The following EYS variants were observed in gnomAD, a reference collection of about 807,000 sequenced individuals.
EYS encodes protein eyes shut homolog.
Under a neutral mutation model 282.1 loss-of-function variants are expected in EYS, and 250 were observed. The observed-to-expected ratio is 0.89, with a 90% CI of 0.80 to 0.98. The LOEUF is 0.98. EYS is among the 50% of genes least tolerant of loss of function. The pLI is 0.00. For synonymous variants in EYS, 1,355 were observed against 1,282.9 expected (o/e 1.06, Z -1.20); for missense variants, 4,016 against 3,709.0 (o/e 1.08, Z -2.15).
At chr6:64,524,550 T>A (rs1273575961) in intron 26 of EYS, among the ~76,000 whole-genome samples, 1 of 151,866 alleles carries the variant, frequency 6.6e-6, no homozygotes, top group Admixed American at 6.6e-5. Context: ...AATCTTTGTC[T>A]GTTCCTATGT....
chr6:64,547,499 C>T (rs1764916967), intron 26 of EYS, among the ~76,000 whole-genome samples: 2 of 152,254 alleles, frequency 1.3e-5, no homozygotes, highest in Admixed American at 6.5e-5. Context: ...TACAGAGTGT[C>T]GATTGGTGCA....
chr6:64,189,806 A>T (rs534753158), intron 31 of EYS, among the ~76,000 whole-genome samples: 1 of 152,174 alleles, frequency 6.6e-6, no homozygotes, highest in East Asian at 1.9e-4. Flanking sequence ...GTGTGGGTCA[A>T]TTCTTTATAC....
At chr6:63,874,080 C>A (rs1399551102) in intron 35 of EYS, among the ~76,000 whole-genome samples, 1 of 152,130 alleles carries the variant, frequency 6.6e-6, no homozygotes, top group Non-Finnish European at 1.5e-5. Context: ...ATGCCTATGT[C>A]CTGAATGGTA....
intron 16 of EYS, among the ~76,000 whole-genome samples, chr6:64,904,071 TA>T (rs1288037712): frequency 6.6e-6 from 1 of 151,592 alleles, no homozygotes; most frequent in African/African-American, 2.4e-5. Flanking sequence ...GCAGACTAAA[TA>T]ACAGAAGAAA....
At chr6:65,101,856 T>C (rs1006007997) in intron 12 of EYS, among the ~76,000 whole-genome samples, 13 of 151,294 alleles carry the variant, frequency 8.6e-5, no homozygotes, top group Admixed American at 4.6e-4. Flanking sequence ...CAATACTGTA[T>C]GTTACCCTAT....
At chr6:64,173,284 C>CA (rs1445422807) in intron 31 of EYS, among the ~76,000 whole-genome samples, 3 of 151,880 alleles carry the variant, frequency 2.0e-5, no homozygotes, top group Non-Finnish European at 2.9e-5. Context: ...AGGTTTAGGC[C>CA]AAAAAACTAA....
intron 26 of EYS, among the ~76,000 whole-genome samples, chr6:64,572,342 C>T (rs886153921): frequency 5.3e-5 from 8 of 152,202 alleles, no homozygotes; most frequent in East Asian, 3.9e-4. Context: ...AAAAGCTGGA[C>T]GCATTCCCTT....
chr6:64,850,951 G>C (rs1398531356), intron 19 of EYS, among the ~76,000 whole-genome samples: 1 of 152,066 alleles, frequency 6.6e-6, no homozygotes, highest in Admixed American at 6.6e-5. Flanking sequence ...AAGATTCCTA[G>C]TTGGCATATG....
intron 2 of EYS, among the ~76,000 whole-genome samples, chr6:65,634,472 C>T (rs993782227): frequency 6.6e-6 from 1 of 152,154 alleles, no homozygotes; most frequent in African/African-American, 2.4e-5. Context: ...TCTACACCCA[C>T]TCCCTTAGCG....
At chr6:63,797,033 T>C (rs1318693583) in intron 37 of EYS, among the ~76,000 whole-genome samples, 3 of 152,218 alleles carry the variant, frequency 2.0e-5, no homozygotes, top group African/African-American at 7.2e-5. Flanking sequence ...TGAAGATATT[T>C]TTGCAGCCAT....
chr6:65,378,610 A>G (rs567507688), intron 8 of EYS, among the ~76,000 whole-genome samples: 1 of 152,324 alleles, frequency 6.6e-6, no homozygotes, highest in African/African-American at 2.4e-5. Context: ...CACTGTTCAC[A>G]ATAGCAAAGA....
At chr6:64,258,323 C>T (rs2150351647) in intron 30 of EYS, among the ~76,000 whole-genome samples, 1 of 152,112 alleles carries the variant, frequency 6.6e-6, no homozygotes, top group South Asian at 2.1e-4. Flanking sequence ...GTACAGAGCA[C>T]TAAAGAAGCT....
At chr6:63,917,100 C>T (rs1764442373) in intron 35 of EYS, among the ~76,000 whole-genome samples, 1 of 152,166 alleles carries the variant, frequency 6.6e-6, no homozygotes, top group Non-Finnish European at 1.5e-5. Context: ...TTATGAAATT[C>T]CTTGGTTTCT....
intron 5 of EYS, among the ~76,000 whole-genome samples, chr6:65,425,072 C>T (rs1358851273): frequency 1.3e-5 from 2 of 152,014 alleles, no homozygotes; most frequent in African/African-American, 4.8e-5. Context: ...CTTTGACCAA[C>T]TATCTTGGTC....
intron 41 of EYS, among the ~76,000 whole-genome samples, chr6:63,727,722 A>G (rs1286153395): frequency 1.1e-5 from 1 of 94,004 alleles, no homozygotes; most frequent in African/African-American, 6.1e-5. Context: ...AAAAAAAAAA[A>G]AAAAAAAAAA....
At chr6:65,223,770 G>A (rs750677763) in intron 12 of EYS, among the ~76,000 whole-genome samples, 5 of 152,110 alleles carry the variant, frequency 3.3e-5, no homozygotes, top group Non-Finnish European at 5.9e-5. Flanking sequence ...AAAAAGCCTC[G>A]GAAAGAAGAG....
At chr6:64,182,211 C>T (rs1407929683) in intron 31 of EYS, among the ~76,000 whole-genome samples, 1 of 152,114 alleles carries the variant, frequency 6.6e-6, no homozygotes, top group African/African-American at 2.4e-5. Flanking sequence ...AACTTTTATC[C>T]ATATGTGAAA....
rs769836988 is a variant in EYS at position 64,234,332 on chromosome 6, A to C, written c.6192-3508T>G. Among the ~76,000 whole-genome samples, 4 of 152,080 alleles carry C rather than the reference A, an allele frequency of 2.6e-5. No homozygotes were observed. In the South Asian group the frequency reaches 8.3e-4, roughly 32 times the overall value. On this transcript the variant is annotated intron_variant, in intron 30 of 42. Coordinates refer to ENST00000503581, the MANE Select transcript of EYS (RefSeq NM_001142800.2). ...CACTTTGTCTTTCCATTTATTAGAT[A>C]TGCTATTCTACTCTTTGTTTTTTCA...
intron 30 of EYS, among the ~76,000 whole-genome samples, chr6:64,240,738 C>CT (rs1766796395): frequency 6.6e-6 from 1 of 151,938 alleles, no homozygotes; most frequent in East Asian, 1.9e-4. Context: ...TTGAATACCC[C>CT]TTGTTTCTTT....
Sources: gnomAD v4.1 joint callset for allele counts (sites outside exome capture counted in the v4.1 genomes callset) on GRCh38, gnomAD v4.1.1 for gene constraint, MANE v1.5 for transcripts, NCBI Gene and HGNC (gene_info 2026-07-23, HGNC 2026-07-21) for gene names.